C7: variants seen among roughly 807,000 people sequenced by gnomAD.
C7 encodes complement C7, also known as complement component C7.
Under a neutral mutation model 104.8 loss-of-function variants are expected in C7, and 83 were observed. That is an observed-to-expected ratio of 0.79 (90% CI 0.66 to 0.95). C7 has a LOEUF of 0.95. Among genes scored for constraint, C7 ranks in the 40% least tolerant of loss-of-function variants. The probability of loss-of-function intolerance (pLI) is 0.00; values close to 1 mark genes in which losing one functional copy is unlikely to be tolerated. For synonymous variants in C7, 415 were observed against 360.6 expected, an observed-to-expected ratio of 1.15 and a Z score of -1.71; for missense variants, 1,070 against 1,011.2, an observed-to-expected ratio of 1.06 and a Z score of -0.79.
At chr5:40,975,656 G>A (rs1041206618) in intron 15 of C7, among the ~76,000 whole-genome samples, 3 of 152,092 alleles carry the variant, frequency 2.0e-5, no homozygotes, top group African/African-American at 7.2e-5. Flanking sequence ...GAGCCACCGC[G>A]CCCAGCCAAG....
At chr5:40,965,582 C>G (rs1327591197) in intron 14 of C7, among the ~76,000 whole-genome samples, 1 of 151,406 alleles carries the variant, frequency 6.6e-6, no homozygotes, top group Non-Finnish European at 1.5e-5. Context: ...TGCTTTTGTC[C>G]TTACTAACAC....
intron 2 of C7, among the ~76,000 whole-genome samples, chr5:40,929,039 A>C (rs1355569720): frequency 6.6e-6 from 1 of 152,156 alleles, no homozygotes; most frequent in Non-Finnish European, 1.5e-5. Context: ...CAAGTTCTTG[A>C]GGCCTGGAAA....
At chr5:40,971,595 A>G (rs187482272) in intron 14 of C7, among the ~76,000 whole-genome samples, 200 of 152,142 alleles carry the variant, frequency 1.3e-3, no homozygotes, top group African/African-American at 4.6e-3. Context: ...GTTTAATTAG[A>G]TCCCATTTGT....
Position 40,981,406 on chromosome 5 carries a change from T to C in C7, c.2365T>C (p.Cys789Arg), listed in dbSNP as rs757295309. 7 of 1,611,980 alleles carry C rather than the reference T, an allele frequency of 4.3e-6. No homozygotes were observed. The highest frequency in any genetic ancestry group is 1.3e-5 in the African/African-American group (1 of 74,920). The change falls in exon 18 of 18, where the codon TGT (cysteine) becomes CGT (arginine). Residue 789 changes from cysteine to arginine, a missense_variant. Physicochemically the swap from Cys to Arg is radical, Grantham distance 180. Transcript: ENST00000313164. ...WGKCDAESSK[C>R]VCREASECEE... is the part of the protein sequence containing the mutation. ...TACTTTTCCAGCTGAGAGCAGCAAATGTGTCTGCCGAGAAGCATCGGAGTG... is the reference window on the plus strand; with the variant it reads ...TACTTTTCCAGCTGAGAGCAGCAAACGTGTCTGCCGAGAAGCATCGGAGTG...
intron 15 of C7, among the ~76,000 whole-genome samples, chr5:40,973,278 TTTG>T (rs1740737268): frequency 6.6e-6 from 1 of 152,240 alleles, no homozygotes; most frequent in African/African-American, 2.4e-5. Context: ...TTATTTATTC[TTTG>T]TTTACATTTT....
chr5:40,939,100 C>T (rs1176997370), intron 6 of C7, among the ~76,000 whole-genome samples: 1 of 152,062 alleles, frequency 6.6e-6, no homozygotes, highest in Middle Eastern at 3.2e-3. Flanking sequence ...ATTTGTAAAC[C>T]CAAACTACTG....
At chr5:40,971,888 A>G in intron 14 of C7, 3 of 319,094 alleles carry the variant, frequency 9.4e-6, no homozygotes, top group South Asian at 8.7e-5. Flanking sequence ...TTGAGGCTGT[A>G]GTATACACTG....
At chr5:40,970,918 A>G (rs1740685102) in intron 14 of C7, among the ~76,000 whole-genome samples, 1 of 152,086 alleles carries the variant, frequency 6.6e-6, no homozygotes, top group African/African-American at 2.4e-5. Flanking sequence ...TGTCTCTGCA[A>G]AGGACATTAA....
chr5:40,979,697 AAAT>A (rs1352572449), intron 16 of C7, 25 bp from the exon 17 acceptor site: 1 of 1,588,372 alleles, frequency 6.3e-7, no homozygotes, highest in East Asian at 2.3e-5. Context: ...AAAATCTTGT[AAAT>A]AATGTCATTA....
rs758818511 is a variant in C7 at position 40,972,426 on chromosome 5, C to T, written c.1906C>T (p.Leu636=). The T allele has an allele frequency of 1.2e-6, 2 of 1,613,842 alleles. No homozygotes were observed. Among genetic ancestry groups the T allele is most frequent in the Non-Finnish European group, 8.5e-7 (1 of 1,179,786 alleles). The change falls in exon 15 of 18, where the codon CTG becomes TTG. Residue 636 remains leucine (L), a synonymous_variant. Transcript: ENST00000313164. ...AGAAATTGCCTGTGTTCTACCTGTA[C>T]TGATGGATGGCATACAGAGTCACCC... ...CQKIACVLPV[L]MDGIQSHPQK...
In C7 at chr5:40,947,851, G is replaced by C. The variant is rs1579856609; in HGVS notation, c.982+6G>C. The C allele has an allele frequency of 5.0e-6, 8 of 1,610,256 alleles. No individual in the cohort carries two copies. In the East Asian group the frequency reaches 1.8e-4, roughly 36 times the overall value. On this transcript the variant is annotated splice_donor_region_variant and intron_variant, in intron 8 of 17. Transcript: ENST00000313164. ...AGAAAAATTAAAACAAAATGGTACA[G>C]TATTAAAAAATTCGTTGTCTAAAGG...
At chr5:40,930,277 C>G (rs914548712) in intron 2 of C7, among the ~76,000 whole-genome samples, 1 of 141,382 alleles carries the variant, frequency 7.1e-6, no homozygotes, top group Non-Finnish European at 1.5e-5. Flanking sequence ...GCAATCTCAG[C>G]TCACTGCAAC....
chr5:40,946,212 A>G (rs983828916), intron 7 of C7, among the ~76,000 whole-genome samples: 2 of 152,168 alleles, frequency 1.3e-5, no homozygotes, highest in Non-Finnish European at 2.9e-5. Flanking sequence ...AAGTTAAAAG[A>G]CATTTTTAAA....
chr5:40,960,128 G>A (rs1293426615), intron 12 of C7, among the ~76,000 whole-genome samples: 1 of 152,120 alleles, frequency 6.6e-6, no homozygotes, highest in Non-Finnish European at 1.5e-5. Flanking sequence ...GAATATCTTG[G>A]TGGGTAAACC....
At chr5:40,924,108 A>G (rs178929) in intron 1 of C7, among the ~76,000 whole-genome samples, 39,046 of 152,038 alleles carry the variant, frequency 0.26, 5,825 homozygotes, top group African/African-American at 0.42. Flanking sequence ...AGTTTCTTCT[A>G]CCTATGAGTT....
chr5:40,972,505 G>C lies in C7; in HGVS notation c.1985G>C (p.Gly662Ala). 6.2e-7 allele frequency: 1 copy of C among 1,613,818 alleles called. No individual in the cohort carries two copies. Among genetic ancestry groups the C allele is most frequent in the Non-Finnish European group, 8.5e-7 (1 of 1,179,754 alleles). The change falls in exon 15 of 18, where the codon GGC (glycine) becomes GCC (alanine). Residue 662 changes from glycine to alanine, a missense_variant. Coordinates refer to ENST00000313164, the MANE Select transcript of C7 (RefSeq NM_000587.4). ...AAGGTGACTGTTTCCTGTTCAGGTG[G>C]CATGTCCTTAGAAGGTCCTTCAGCA... ...GEKVTVSCSGGMSLEGPSAFL... is the reference protein window; with the variant it reads ...GEKVTVSCSGAMSLEGPSAFL...
At chr5:40,915,368 C>CA (rs1425319821) in intron 1 of C7, among the ~76,000 whole-genome samples, 1 of 152,152 alleles carries the variant, frequency 6.6e-6, no homozygotes, top group Non-Finnish European at 1.5e-5. Context: ...ACTCCTCCCT[C>CA]ATTACAAGCA....
chr5:40,927,367 A>T (rs1011419135), intron 1 of C7, among the ~76,000 whole-genome samples: 1 of 152,134 alleles, frequency 6.6e-6, no homozygotes, highest in African/African-American at 2.4e-5. Context: ...CCAAAAGTGC[A>T]GGCAACAAAT....
At chr5:40,932,418 G>T (rs1237686142) in intron 3 of C7, among the ~76,000 whole-genome samples, 1 of 152,062 alleles carries the variant, frequency 6.6e-6, no homozygotes, top group African/African-American at 2.4e-5. Flanking sequence ...TTATCTTAAA[G>T]TTTCTGAACA....
Sources: allele counts gnomAD v4.1 joint callset (sites outside exome capture counted in the v4.1 genomes callset), GRCh38; gene constraint gnomAD v4.1.1; transcripts MANE v1.5; gene names NCBI Gene and HGNC (gene_info 2026-07-23, HGNC 2026-07-21).